The following APBA2 variants were observed in gnomAD, a reference collection of about 807,000 sequenced individuals.
APBA2 encodes amyloid beta precursor protein binding family A member 2.
Under a neutral mutation model 75.0 loss-of-function variants are expected in APBA2, and 30 were observed. The observed-to-expected ratio is 0.40, with a 90% CI of 0.30 to 0.54. APBA2 has a LOEUF of 0.54. Among genes scored for constraint, APBA2 ranks in the 20% least tolerant of loss-of-function variants. APBA2 has a pLI of 0.49. For missense variants in APBA2, 801 were observed against 1,016.1 expected (o/e 0.79, Z 2.88); for synonymous variants, 444 against 409.6 (o/e 1.08, Z -1.01).
chr15:28,989,133 C>CT (rs530074297), intron 2 of APBA2, among the ~76,000 whole-genome samples: 152 of 152,214 alleles, frequency 1.0e-3, no homozygotes, highest in Middle Eastern at 6.8e-3. Flanking sequence ...TCTTTTGCAC[C>CT]TTTTTTTCTG....
rs2041752803 is a variant in APBA2, at chr15:29,054,127, TGAG to T, written c.252_254del (p.Glu84del). The T allele has an allele frequency of 1.2e-6, 2 of 1,613,892 alleles. No individual in the cohort carries two copies. Among genetic ancestry groups the T allele is most frequent in the Non-Finnish European group, 1.7e-6 (2 of 1,179,928 alleles). On this transcript the variant is annotated inframe_deletion, in exon 4 of 15. Transcript: ENST00000683413. This position sits in a 1 kb window ranked among gnomAD's most constrained non-coding sequence, Gnocchi z 6.1. ...GCTCTGACTACGTGAACAACACCTC[TGAG>T]GAGGAGGACTATGACGAGGGCCTCC...
At chr15:28,910,069 G>A (rs941576676) in intron 1 of APBA2, among the ~76,000 whole-genome samples, 3 of 152,178 alleles carry the variant, frequency 2.0e-5, no homozygotes, top group African/African-American at 7.2e-5. Flanking sequence ...TAGAGAGGTG[G>A]AAAACAGCCA....
chr15:28,963,839 G>T (rs1167359184), intron 2 of APBA2, among the ~76,000 whole-genome samples: 1 of 152,216 alleles, frequency 6.6e-6, no homozygotes, highest in African/African-American at 2.4e-5. Context: ...CCAGGAAACT[G>T]ACAGTGATGT....
intron 9 of APBA2, among the ~76,000 whole-genome samples, chr15:29,099,652 G>A (rs1398889083): frequency 3.3e-5 from 5 of 152,338 alleles, no homozygotes; most frequent in Admixed American, 1.3e-4. Context: ...TGAGATCCAC[G>A]TTCCCAGATG....
intron 2 of APBA2, among the ~76,000 whole-genome samples, chr15:28,983,008 C>T (rs2037706895): frequency 6.6e-6 from 1 of 152,232 alleles, no homozygotes; most frequent in Non-Finnish European, 1.5e-5. Flanking sequence ...ACAAGTGTGT[C>T]AGGGTGGAAG....
intron 3 of APBA2, among the ~76,000 whole-genome samples, chr15:29,041,482 CAG>C (rs2041040777): frequency 9.8e-6 from 1 of 101,680 alleles, no homozygotes; most frequent in Non-Finnish European, 1.9e-5. Context: ...GACCCTGTCT[CAG>C]AAAAAAAAAA....
At position 28,932,113 on chromosome 15, in the gene APBA2, G is replaced by T. The variant is rs1158306702; in HGVS notation, c.-95+10364G>T. Among the ~76,000 whole-genome samples, 6 of 152,176 alleles carry T rather than the reference G, an allele frequency of 3.9e-5. No individual in the cohort carries two copies. In the East Asian group the frequency reaches 1.2e-3, roughly 29 times the overall value. On this transcript the variant is annotated intron_variant, in intron 2 of 14. Coordinates refer to ENST00000683413, the MANE Select transcript of APBA2 (RefSeq NM_001353788.2). ...TGTCAGGATCACTGTCTCTGCTTTG[G>T]TAAGATGTCCTTGGGAGGGGAAGGG...
intron 11 of APBA2, 57 bp downstream of exon 11, chr15:29,105,615 GCTC>G (rs2044362984): frequency 1.3e-6 from 2 of 1,597,448 alleles, no homozygotes; most frequent in African/African-American, 2.7e-5. Context: ...TGCTCCCTGA[GCTC>G]CTGCAGAGCG....
At chr15:28,964,176 A>G (rs2036616817) in intron 2 of APBA2, among the ~76,000 whole-genome samples, 1 of 152,250 alleles carries the variant, frequency 6.6e-6, no homozygotes, top group Non-Finnish European at 1.5e-5. Flanking sequence ...ATGATCAATT[A>G]TCTACAATTG....
chr15:29,110,635 G>A (rs979733193), intron 13 of APBA2, among the ~76,000 whole-genome samples: 1 of 152,236 alleles, frequency 6.6e-6, no homozygotes, highest in African/African-American at 2.4e-5. Context: ...CACAGGAACT[G>A]GAGAAGCTGG....
chr15:28,988,980 T>C (rs2152779857), intron 2 of APBA2, among the ~76,000 whole-genome samples: 1 of 152,342 alleles, frequency 6.6e-6, no homozygotes, highest in Non-Finnish European at 1.5e-5. Flanking sequence ...TTTTACATTT[T>C]TGTCTAATGC....
chr15:28,940,429 C>T (rs555940271), intron 2 of APBA2, among the ~76,000 whole-genome samples: 1 of 146,042 alleles, frequency 6.8e-6, no homozygotes, highest in African/African-American at 2.6e-5. Flanking sequence ...CCAGCTACTC[C>T]GAAGGCTGAG....
At chr15:28,995,037 A>G (rs1156493704) in intron 2 of APBA2, among the ~76,000 whole-genome samples, 1 of 152,116 alleles carries the variant, frequency 6.6e-6, no homozygotes, top group Non-Finnish European at 1.5e-5. Flanking sequence ...GTTGCAGACA[A>G]TTGAACACCC....
chr15:29,109,919 C>T (rs1259714885), intron 13 of APBA2, among the ~76,000 whole-genome samples: 4 of 151,960 alleles, frequency 2.6e-5, no homozygotes, highest in South Asian at 2.1e-4. Flanking sequence ...GGTGCCAGGA[C>T]GAGTTGTCTG....
intron 9 of APBA2, 32 bp from the exon 10 acceptor site, chr15:29,101,567 T>A: frequency 6.2e-7 from 1 of 1,603,960 alleles, no homozygotes; most frequent in South Asian, 1.1e-5. Flanking sequence ...CCAGTAGTGT[T>A]CCCTGACGTG....
At chr15:29,073,511 C>T (rs1224328915) in intron 4 of APBA2, among the ~76,000 whole-genome samples, 2 of 152,092 alleles carry the variant, frequency 1.3e-5, no homozygotes, top group Non-Finnish European at 2.9e-5. Flanking sequence ...CCACCATGCC[C>T]GGCTAATTTT....
chr15:29,042,365 C>T (rs777814379), intron 3 of APBA2, among the ~76,000 whole-genome samples: 100 of 152,192 alleles, frequency 6.6e-4, no homozygotes, highest in Non-Finnish European at 1.0e-3. Context: ...CTCTGCCTCC[C>T]GAGTTTAAGA....
intron 4 of APBA2, among the ~76,000 whole-genome samples, chr15:29,073,261 TCA>T (rs1289321372): frequency 3.3e-5 from 5 of 152,212 alleles, no homozygotes; most frequent in Admixed American, 2.0e-4. Flanking sequence ...ACTTGGGGTC[TCA>T]GTTTTCTCAC....
chr15:28,959,170 G>A (rs991138729), intron 2 of APBA2, among the ~76,000 whole-genome samples: 1 of 152,140 alleles, frequency 6.6e-6, no homozygotes, highest in East Asian at 1.9e-4. Flanking sequence ...TGTATTTTTA[G>A]TGGAGACGGG....
Sources: allele counts gnomAD v4.1 joint callset (sites outside exome capture counted in the v4.1 genomes callset), GRCh38; gene constraint gnomAD v4.1.1; non-coding constraint Gnocchi (gnomAD v3.1); transcripts MANE v1.5; gene names NCBI Gene and HGNC (gene_info 2026-07-23, HGNC 2026-07-21).